Variants in DIAPH3 observed in about 807,000 individuals in gnomAD.
The protein encoded by DIAPH3 is protein diaphanous homolog 3.
DIAPH3 carries 117 observed loss-of-function variants against 144.3 expected under a neutral mutation model. That is an observed-to-expected ratio of 0.81 (90% CI 0.70 to 0.95). The LOEUF is 0.95. Among genes scored for constraint, DIAPH3 ranks in the 40% least tolerant of loss-of-function variants. The pLI is 0.00. For missense variants in DIAPH3, 1,421 were observed against 1,412.7 expected (o/e 1.01, Z -0.09); for synonymous variants, 519 against 488.9 (o/e 1.06, Z -0.81).
At chr13:59,935,318 T>C (rs2048212874) in intron 17 of DIAPH3, among the ~76,000 whole-genome samples, 2 of 152,180 alleles carry the variant, frequency 1.3e-5, no homozygotes, top group South Asian at 2.1e-4. Context: ...AAGTCAAGAA[T>C]GCGCCTATCA....
chr13:59,754,158 T>G (rs2139138176), intron 27 of DIAPH3, among the ~76,000 whole-genome samples: 1 of 152,310 alleles, frequency 6.6e-6, no homozygotes, highest in African/African-American at 2.4e-5. Flanking sequence ...CTTCTGATAT[T>G]TTTGAGGGCA....
chr13:59,926,028 C>A (rs1391070456), intron 17 of DIAPH3, among the ~76,000 whole-genome samples: 1 of 152,136 alleles, frequency 6.6e-6, no homozygotes, highest in African/African-American at 2.4e-5. Flanking sequence ...CTCTGTCACC[C>A]AGGCTGGAGT....
chr13:59,891,825 C>T lies in DIAPH3; in HGVS notation c.2368-12357G>A, dbSNP rs929949336. 2.0e-5 allele frequency among the ~76,000 whole-genome samples: 3 copies of T among 152,078 alleles called. No individual in the cohort carries two copies. The East Asian group carries it at 5.8e-4, about 29-fold the overall frequency. On this transcript the variant is annotated intron_variant, in intron 20 of 27. Transcript: ENST00000400324. The stretch of plus-strand genomic sequence containing the variant: ...CAAAAAAGCATGGTTCATAGCTGAG[C>T]TGTAATAGTTACCGGTTGAGTAAAC...
chr13:59,669,688 C>A (rs1424206633), intron 27 of DIAPH3, among the ~76,000 whole-genome samples: 1 of 152,158 alleles, frequency 6.6e-6, no homozygotes, highest in East Asian at 1.9e-4. Context: ...TCATTCCCCT[C>A]AGCAGAGAGG....
At chr13:59,765,338 G>C (rs1184456911) in intron 27 of DIAPH3, among the ~76,000 whole-genome samples, 1 of 152,132 alleles carries the variant, frequency 6.6e-6, no homozygotes, top group Non-Finnish European at 1.5e-5. Flanking sequence ...TGAAGAAGGG[G>C]AAGGAATGAG....
intron 5 of DIAPH3, among the ~76,000 whole-genome samples, chr13:60,025,146 T>C (rs1207133605): frequency 2.6e-5 from 4 of 152,228 alleles, no homozygotes; most frequent in Middle Eastern, 3.4e-3. Context: ...AAAGCAGTTA[T>C]TGCCAACATT....
At chr13:59,967,536 C>A (rs2050131275) in intron 17 of DIAPH3, among the ~76,000 whole-genome samples, 1 of 152,186 alleles carries the variant, frequency 6.6e-6, no homozygotes, top group South Asian at 2.1e-4. Context: ...TGTCTAAGCT[C>A]TCTGGACATC....
rs142905796 is a variant in DIAPH3, at chr13:60,026,226, T to C, written c.627-10081A>G. Among the ~76,000 whole-genome samples the C allele has an allele frequency of 1.6e-3, 247 of 152,216 alleles. 2 individuals are homozygous for C. Among genetic ancestry groups the C allele is most frequent in the African/African-American group, 5.6e-3 (233 of 41,550 alleles). ...ATCCATTCCTGACAGTTGTACCTAC[T>C]ATTGTATTTATATAATTAATATTAT... On this transcript the variant is annotated intron_variant, in intron 5 of 27. Coordinates refer to ENST00000400324, the MANE Select transcript of DIAPH3 (RefSeq NM_001042517.2).
rs550900121 is a variant in DIAPH3, at chr13:59,763,291, T to A, written c.3319+10898A>T. 2.3e-5 allele frequency among the ~76,000 whole-genome samples: 3 copies of A among 130,586 alleles called. No individual in the cohort carries two copies. In the East Asian group the frequency reaches 6.5e-4, roughly 28 times the overall value. The allele number at this position is 130,586 out of a possible 152,430, so 85.7% of individuals were successfully genotyped here. A position where few individuals can be genotyped will look rare whatever the true frequency, so the allele number is the denominator to read the frequency against. On this transcript the variant is annotated intron_variant, in intron 27 of 27. Coordinates refer to ENST00000400324, the MANE Select transcript of DIAPH3 (RefSeq NM_001042517.2). ...GTACACATATATACATATATTCACATATATGTATATACATGTGTATATATG... is the reference window on the plus strand; with the variant it reads ...GTACACATATATACATATATTCACAAATATGTATATACATGTGTATATATG...
chr13:59,887,506 T>C (rs546552992), intron 20 of DIAPH3, among the ~76,000 whole-genome samples: 2 of 152,230 alleles, frequency 1.3e-5, no homozygotes, highest in Non-Finnish European at 1.5e-5. Context: ...ATGCAATTTT[T>C]AGACTGTGGT....
At chr13:59,788,256 A>C (rs2039136584) in intron 25 of DIAPH3, among the ~76,000 whole-genome samples, 2 of 152,320 alleles carry the variant, frequency 1.3e-5, no homozygotes, top group South Asian at 4.1e-4. Flanking sequence ...AGGTCACTTC[A>C]CACATTTGTT....
At chr13:60,095,973 A>T (rs2058094066) in intron 3 of DIAPH3, among the ~76,000 whole-genome samples, 1 of 152,216 alleles carries the variant, frequency 6.6e-6, no homozygotes. Context: ...CAGAGGTATG[A>T]AGCAGAGATT....
At chr13:59,775,425 G>A (rs1208557961) in intron 25 of DIAPH3, among the ~76,000 whole-genome samples, 1 of 151,970 alleles carries the variant, frequency 6.6e-6, no homozygotes, top group Non-Finnish European at 1.5e-5. Context: ...TGTATTTTTA[G>A]TAGAGATGGG....
chr13:59,863,116 A>G (rs1162521051), intron 21 of DIAPH3, among the ~76,000 whole-genome samples: 2 of 152,276 alleles, frequency 1.3e-5, no homozygotes, highest in African/African-American at 4.8e-5. Flanking sequence ...AGGGAGAGGT[A>G]GTTAAGCTAA....
At chr13:59,731,376 A>G (rs184639641) in intron 27 of DIAPH3, among the ~76,000 whole-genome samples, 1 of 152,340 alleles carries the variant, frequency 6.6e-6, no homozygotes, top group African/African-American at 2.4e-5. Flanking sequence ...AACAGCAAAT[A>G]AAACTTTAAG....
intron 18 of DIAPH3, among the ~76,000 whole-genome samples, chr13:59,917,889 CAAAAAA>C (rs60792156): frequency 0.052 from 967 of 18,466 alleles, 5 homozygotes; most frequent in African/African-American, 0.15. Flanking sequence ...GACTCTGTCT[CAAAAAA>C]AAAAAAAAAA....
intron 27 of DIAPH3, among the ~76,000 whole-genome samples, chr13:59,755,913 T>C (rs545005032): frequency 1.6e-4 from 24 of 152,270 alleles, no homozygotes; most frequent in Non-Finnish European, 2.6e-4. Flanking sequence ...AAATAATAGC[T>C]ATTATTATGA....
chr13:60,067,928 C>T (rs766217955), intron 4 of DIAPH3, among the ~76,000 whole-genome samples: 36 of 152,094 alleles, frequency 2.4e-4, no homozygotes, highest in Non-Finnish European at 4.9e-4. Context: ...TGCACCCACA[C>T]ACATATACAC....
chr13:60,157,101 C>T (rs867473901), intron 1 of DIAPH3, among the ~76,000 whole-genome samples: 2 of 151,422 alleles, frequency 1.3e-5, no homozygotes, highest in South Asian at 2.1e-4. Context: ...CCCACTGCCA[C>T]GTCTGGCTAA....
Sources: allele counts gnomAD v4.1 joint callset (sites outside exome capture counted in the v4.1 genomes callset), GRCh38; gene constraint gnomAD v4.1.1; transcripts MANE v1.5; gene names NCBI Gene and HGNC (gene_info 2026-07-23, HGNC 2026-07-21).